Variants in CHD5 observed in about 807,000 individuals in gnomAD.
CHD5 encodes the protein ATP-dependent chromatin remodeler CHD5.
A neutral mutation model predicts 230.3 loss-of-function variants in CHD5; 69 were observed. The observed-to-expected ratio is 0.30, with a 90% confidence interval of 0.25 to 0.37. CHD5 has a LOEUF of 0.37. CHD5 is among the 10% of genes least tolerant of loss of function. The pLI, the probability that CHD5 is intolerant of heterozygous loss-of-function variation, is 1.00. For missense variants in CHD5, 1,827 were observed against 2,622.8 expected (o/e 0.70, Z 6.63); for synonymous variants, 1,064 against 1,065.9 (o/e 1.00, Z 0.03).
intron 2 of CHD5, among the ~76,000 whole-genome samples, chr1:6,159,763 C>CAGGTGAGGCG (rs1667137751): frequency 6.6e-6 from 1 of 152,278 alleles, no homozygotes; most frequent in Non-Finnish European, 1.5e-5. Flanking sequence ...GTAGAACCTG[C>CAGGTGAGGCG]AGGTGAGGCG....
rs768866652 is a variant in CHD5, at chr1:6,136,773, G to A, written c.2529C>T (p.Cys843=). 2 of 1,613,728 alleles carry A rather than the reference G, an allele frequency of 1.2e-6. No individual in the cohort carries two copies. Among genetic ancestry groups the A allele is most frequent in the Non-Finnish European group, 8.5e-7 (1 of 1,179,692 alleles). The change falls in exon 16 of 42, where the codon TGC becomes TGT. Residue 843 remains cysteine (C), a synonymous_variant. Transcript: ENST00000262450. Reference sequence around the variant, plus strand: ...GGCGGTGGGCCTCATCTACCACCAGGCAGGCCCACTCGATGGAGCCCAGGA... The same window carrying A: ...GGCGGTGGGCCTCATCTACCACCAGACAGGCCCACTCGATGGAGCCCAGGA... The part of the protein sequence containing the change: ...QAILGSIEWA[C]LVVDEAHRLK...
At position 6,122,241 on chromosome 1, in the gene CHD5, G is replaced by A. The variant is rs112503266; in HGVS notation, c.4700-668C>T. Among the ~76,000 whole-genome samples, 1,133 of 152,262 alleles carry A rather than the reference G, an allele frequency of 7.4e-3. 12 individuals are homozygous for A. The highest frequency in any genetic ancestry group is 0.026 in the African/African-American group (1,076 of 41,540). On this transcript the variant is annotated intron_variant, in intron 31 of 41. Transcript: ENST00000262450. Reference sequence around the variant, plus strand: ...CCCAGGCCTGTGAGGCCCAACCGACGGACCAAGTACTTAACAGGTATTTGC... The same window carrying A: ...CCCAGGCCTGTGAGGCCCAACCGACAGACCAAGTACTTAACAGGTATTTGC...
In CHD5 at chr1:6,159,356, T is replaced by C; in HGVS notation, c.367A>G (p.Asn123Asp). ...GTTACCTTTAAGCATCCATCATCAT[T>C]ATCATCCTCATCCTCATCCTTCTTT... ...RKKKDEDEDD[N>D]DDGCLKEPKS... is the part of the protein sequence containing the mutation. Residue 123 changes from asparagine (N) to aspartate (D), a missense_variant, in exon 3 of 42, where the codon AAT (asparagine) becomes GAT (aspartate). Transcript: ENST00000262450. 1.3e-6 allele frequency: 2 copies of C among 1,551,684 alleles called. No individual in the cohort carries two copies. Among genetic ancestry groups the C allele is most frequent in the Non-Finnish European group, 1.7e-6 (2 of 1,146,964 alleles).
At chr1:6,171,321 C>T (rs369254388) in intron 1 of CHD5, among the ~76,000 whole-genome samples, 4 of 152,284 alleles carry the variant, frequency 2.6e-5, no homozygotes, top group African/African-American at 9.6e-5. Context: ...CAGCTCCGTT[C>T]CCAGAAGACC....
Position 6,125,314 on chromosome 1 carries a change from C to T in CHD5, c.4261-81G>A, listed in dbSNP as rs1666537629. The T allele has an allele frequency of 1.4e-6, 2 of 1,441,152 alleles. No homozygotes were observed. The highest frequency in any genetic ancestry group is 1.4e-5 in the African/African-American group (1 of 71,506). 89.3% of individuals were successfully genotyped at this position (1,441,152 alleles called of 1,614,324 possible). ...GGATTCTGGGATGGGGGAAGAAAAG[C>T]ATGGGAGGAGGAGAAGGTAGGAAGG... On this transcript the variant is annotated intron_variant, in intron 28 of 41. Transcript: ENST00000262450. The surrounding 1 kb of genome is among the most constrained non-coding windows in gnomAD (Gnocchi z 6.7).
At chr1:6,153,264 C>T (rs1667033126) in intron 5 of CHD5, among the ~76,000 whole-genome samples, 1 of 152,226 alleles carries the variant, frequency 6.6e-6, no homozygotes, top group African/African-American at 2.4e-5. Flanking sequence ...ATAAGCAGCT[C>T]ATGGAATCGA....
intron 11 of CHD5, among the ~76,000 whole-genome samples, chr1:6,144,889 ATGTT>A (rs895299030): frequency 2.2e-4 from 34 of 152,320 alleles, no homozygotes; most frequent in African/African-American, 7.2e-4. Context: ...ACGGCAACCG[ATGTT>A]TGTTTGTTTT....
At chr1:6,179,908 G>C in intron 1 of CHD5, 37 bp downstream of exon 1, 1 of 1,176,690 alleles carries the variant, frequency 8.5e-7, no homozygotes, top group Non-Finnish European at 1.1e-6. Flanking sequence ...CGGCGCCCCC[G>C]CCGCTCTGGC....
chr1:6,108,592 T>A (rs1434268110), intron 38 of CHD5, among the ~76,000 whole-genome samples: 1 of 134,622 alleles, frequency 7.4e-6, no homozygotes, highest in Non-Finnish European at 1.6e-5. Context: ...GATGGAGGGG[T>A]GGAAGGATGG....
chr1:6,124,666 GGT>G lies in CHD5; in HGVS notation c.4395-7_4395-6del. 2 of 1,426,014 alleles carry G rather than the reference GGT, an allele frequency of 1.4e-6. No homozygotes were observed. Among genetic ancestry groups the G allele is most frequent in the Non-Finnish European group, 9.5e-7 (1 of 1,047,412 alleles). The allele number at this position is 1,426,014 out of a possible 1,614,324, so 88.3% of individuals were successfully genotyped here. ...ATGAAGAGGGACACATAGGCTCTGG[GGT>G]GGGGGGGGGGGACTGGGGCTCAGGG... On this transcript the variant is annotated splice_region_variant and splice_polypyrimidine_tract_variant and intron_variant, in intron 29 of 41. Transcript: ENST00000262450.
At chr1:6,115,026 G>T (rs935114199) in intron 33 of CHD5, among the ~76,000 whole-genome samples, 6 of 131,858 alleles carry the variant, frequency 4.6e-5, no homozygotes, top group East Asian at 4.7e-4. Context: ...AAAAAAAAAA[G>T]GGGGGGGCAG....
At chr1:6,113,098 A>G (rs1449105764) in intron 33 of CHD5, 100 bp from the exon 34 acceptor site, 2 of 824,922 alleles carry the variant, frequency 2.4e-6, no homozygotes, top group East Asian at 2.4e-5. Flanking sequence ...ATCCATCAAT[A>G]TGTTCCGCAG....
intron 5 of CHD5, 31 bp from the exon 6 acceptor site, chr1:6,152,567 C>T: frequency 6.2e-7 from 1 of 1,612,212 alleles, no homozygotes; most frequent in Non-Finnish European, 8.5e-7. Context: ...TAGCCAACCA[C>T]TGCCACCACT....
chr1:6,142,748 G>A lies in CHD5; in HGVS notation c.2044-143C>T. 1 of 948,404 alleles carries A rather than the reference G, an allele frequency of 1.1e-6. No individual in the cohort carries two copies. Among genetic ancestry groups the A allele is most frequent in the Non-Finnish European group, 1.5e-6 (1 of 660,274 alleles). The allele number at this position is 948,404 out of a possible 1,614,324, so 58.7% of individuals were successfully genotyped here. A position where few individuals can be genotyped will look rare whatever the true frequency, so the allele number is the denominator to read the frequency against. On this transcript the variant is annotated intron_variant, in intron 13 of 41. Coordinates refer to ENST00000262450, the MANE Select transcript of CHD5 (RefSeq NM_015557.3). The surrounding 1 kb of genome is among the most constrained non-coding windows in gnomAD (Gnocchi z 5.2). ...CTTCCTAACTCTTCTCCAGTTCTTG[G>A]ATGGAACACCTCTTCCTCTAGGAAG...
Position 6,106,502 on chromosome 1 carries a change from A to C in CHD5, c.5750T>G (p.Phe1917Cys), listed in dbSNP as rs142351712. 5.8e-6 allele frequency: 9 copies of C among 1,552,038 alleles called. No individual in the cohort carries two copies. The African/African-American group carries it at 1.1e-4, about 19-fold the overall frequency. The change falls in exon 40 of 42, where the codon TTC becomes TGC. Residue 1917 changes from phenylalanine (F) to cysteine (C), a missense_variant. Around this residue, in one of 14 missense-constraint regions of CHD5, gnomAD observed 208 missense variants for 302.0 expected, o/e 0.69. Coordinates refer to ENST00000262450, the MANE Select transcript of CHD5 (RefSeq NM_015557.3). ...GTTGCTGTACATCTGGGAGGAGCCGAAAGCGCCCTGGAGGCAAGGACTCAG... is the reference window on the plus strand; with the variant it reads ...GTTGCTGTACATCTGGGAGGAGCCGCAAGCGCCCTGGAGGCAAGGACTCAG... ...AGDPTIQQGA[F>C]GSSQMYSNNF...
Position 6,128,555 on chromosome 1 carries a change from G to A in CHD5, c.3674C>T (p.Ser1225Phe). 6.2e-7 allele frequency: 1 copy of A among 1,614,168 alleles called. No individual in the cohort carries two copies. Among genetic ancestry groups the A allele is most frequent in the Non-Finnish European group, 8.5e-7 (1 of 1,180,032 alleles). Reference sequence around the variant, plus strand: ...ACTGGCGGCCAAGTTCCCCCCTTTGGAGGACTGGACATCAGGGATGGGTGT... The same window carrying A: ...ACTGGCGGCCAAGTTCCCCCCTTTGAAGGACTGGACATCAGGGATGGGTGT... ...PVTPIPDVQS[S>F]KGGNLAASAK... The change falls in exon 24 of 42, where the codon TCC (serine) becomes TTC (phenylalanine). Residue 1225 changes from serine (S) to phenylalanine (F), a missense_variant. Transcript: ENST00000262450. This position sits in a 1 kb window ranked among gnomAD's most constrained non-coding sequence, Gnocchi z 7.8.
At chr1:6,166,277 C>T (rs77053209) in intron 2 of CHD5, among the ~76,000 whole-genome samples, 1 of 140,204 alleles carries the variant, frequency 7.1e-6, no homozygotes, top group Admixed American at 7.0e-5. Context: ...AGGTGGGGGT[C>T]GGGGGCAGGG....
intron 33 of CHD5, among the ~76,000 whole-genome samples, chr1:6,119,298 C>T (rs769346146): frequency 2.0e-5 from 3 of 152,066 alleles, no homozygotes; most frequent in African/African-American, 4.8e-5. Flanking sequence ...ACGGGTTTCA[C>T]CATGTTCGAC....
Position 6,146,173 on chromosome 1 carries a change from C to T in CHD5, c.1802+39G>A, listed in dbSNP as rs1181715653. 1.2e-6 allele frequency: 2 copies of T among 1,600,586 alleles called. No individual in the cohort carries two copies. The highest frequency in any genetic ancestry group is 1.7e-6 in the Non-Finnish European group (2 of 1,170,080). ...GGGCAAAGAAGCTGACGTGGCCCGG[C>T]CCCAGCGATGGGCAGGGTGGCCGCC... On this transcript the variant is annotated intron_variant, in intron 11 of 41. Coordinates refer to ENST00000262450, the MANE Select transcript of CHD5 (RefSeq NM_015557.3). The surrounding 1 kb of genome is among the most constrained non-coding windows in gnomAD (Gnocchi z 5.1).
Sources: gnomAD v4.1 joint callset for allele counts (sites outside exome capture counted in the v4.1 genomes callset) on GRCh38, gnomAD v4.1.1 for gene constraint, gnomAD v4.1.1 regional missense constraint, Gnocchi (gnomAD v3.1) non-coding constraint, MANE v1.5 for transcripts, NCBI Gene and HGNC (gene_info 2026-07-23, HGNC 2026-07-21) for gene names.